The following PDE4D variants were observed in gnomAD, a reference collection of about 807,000 sequenced individuals.
PDE4D encodes the protein phosphodiesterase 4D, also known as 3',5'-cyclic-AMP phosphodiesterase 4D.
A neutral mutation model predicts 87.4 loss-of-function variants in PDE4D; 24 were observed. The observed-to-expected ratio is 0.27, with a 90% CI of 0.20 to 0.39. The LOEUF is 0.39. PDE4D is among the 10% of genes least tolerant of loss of function. The pLI is 1.00. For missense variants in PDE4D, 714 were observed against 1,041.0 expected (o/e 0.69, Z 4.32); for synonymous variants, 384 against 383.2 (o/e 1.00, Z -0.02).
At chr5:59,030,487 C>A (rs1165422732) in intron 6 of PDE4D, among the ~76,000 whole-genome samples, 1 of 147,920 alleles carries the variant, frequency 6.8e-6, no homozygotes, top group African/African-American at 2.5e-5. Flanking sequence ...TGCCTGTAAT[C>A]CCAGTGCTTT....
At chr5:60,293,300 G>A (rs749541226) in intron 1 of PDE4D, among the ~76,000 whole-genome samples, 43 of 152,068 alleles carry the variant, frequency 2.8e-4, no homozygotes, top group Non-Finnish European at 5.9e-4. Flanking sequence ...CGATCACAAG[G>A]TCAGGAGATC....
Position 60,282,101 on chromosome 5 carries a change from A to T in PDE4D, c.-89-96414T>A, listed in dbSNP as rs191360970. On this transcript the variant is annotated intron_variant, in intron 1 of 16. Coordinates refer to the PDE4D transcript ENST00000502484. ...TAAACAACATTACTCAACATATAAA[A>T]CAAGTAAGTCATTATCATTCCTAGT... is the stretch of plus-strand genomic sequence containing the variant. Among the ~76,000 whole-genome samples, 491 of 151,840 alleles carry T rather than the reference A, an allele frequency of 3.2e-3. 4 individuals carry two copies. The highest frequency in any genetic ancestry group is 0.011 in the African/African-American group (462 of 41,466).
At chr5:59,147,954 T>G (rs1778913533) in intron 5 of PDE4D, among the ~76,000 whole-genome samples, 1 of 152,212 alleles carries the variant, frequency 6.6e-6, no homozygotes, top group Non-Finnish European at 1.5e-5. Context: ...TATACCATAT[T>G]AGGCCTGCCA....
chr5:59,893,143 G>T, intron 1 of PDE4D, 25 bp downstream of exon 1: 1 of 1,541,950 alleles, frequency 6.5e-7, no homozygotes. Context: ...TTGCCTGAAT[G>T]GGGGAGGGGG....
At chr5:60,120,058 A>G (rs1303984652) in intron 2 of PDE4D, among the ~76,000 whole-genome samples, 1 of 152,232 alleles carries the variant, frequency 6.6e-6, no homozygotes, top group Admixed American at 6.5e-5. Flanking sequence ...GTCTAAAAGA[A>G]TAATCTACAA....
chr5:59,116,558 C>T (rs952938147), intron 5 of PDE4D, among the ~76,000 whole-genome samples: 1 of 152,156 alleles, frequency 6.6e-6, no homozygotes, highest in Non-Finnish European at 1.5e-5. Context: ...CCCACAACTG[C>T]CCTATTATTG....
At chr5:59,604,116 CAGTTTTTCTGAAGAAAGCGT>C (rs1827875418) in intron 1 of PDE4D, among the ~76,000 whole-genome samples, 1 of 10,628 alleles carries the variant, frequency 9.4e-5, no homozygotes, top group Non-Finnish European at 2.7e-4. Context: ...CTTGTAAAAA[CAGTTTTTCTGAAGAAAGCGT>C]GGTTTTCTGG....
At chr5:59,183,340 T>C (rs1305613824) in intron 4 of PDE4D, among the ~76,000 whole-genome samples, 1 of 152,122 alleles carries the variant, frequency 6.6e-6, no homozygotes, top group Non-Finnish European at 1.5e-5. Flanking sequence ...TGATTTTCTG[T>C]TTTCTTCTAG....
intron 5 of PDE4D, among the ~76,000 whole-genome samples, chr5:59,154,049 G>A (rs550676695): frequency 2.6e-5 from 4 of 152,288 alleles, no homozygotes; most frequent in African/African-American, 9.6e-5. Context: ...GCCAGGGGCT[G>A]GGCTGGAGAG....
chr5:59,884,073 A>C (rs1225252553), intron 1 of PDE4D, among the ~76,000 whole-genome samples: 1 of 152,136 alleles, frequency 6.6e-6, no homozygotes, highest in Non-Finnish European at 1.5e-5. Context: ...AAATTGAGTA[A>C]GAGAAGAGAA....
intron 3 of PDE4D, among the ~76,000 whole-genome samples, chr5:59,955,762 G>A (rs1758761125): frequency 6.6e-6 from 1 of 152,106 alleles, no homozygotes; most frequent in Non-Finnish European, 1.5e-5. Flanking sequence ...CCACATCCTT[G>A]CTTTACAACC....
At chr5:59,585,180 GTGT>G (rs1290888400) in intron 1 of PDE4D, among the ~76,000 whole-genome samples, 5 of 152,282 alleles carry the variant, frequency 3.3e-5, no homozygotes, top group Admixed American at 1.3e-4. Flanking sequence ...GATGGATCTG[GTGT>G]TGTTAGAAAA....
intron 1 of PDE4D, among the ~76,000 whole-genome samples, chr5:59,485,044 G>C (rs887188227): frequency 6.6e-6 from 1 of 152,050 alleles, no homozygotes; most frequent in Non-Finnish European, 1.5e-5. Flanking sequence ...AGTCTCCTAG[G>C]GAAGACTAGG....
chr5:60,447,021 C>T (rs537371366), intron 1 of PDE4D, among the ~76,000 whole-genome samples: 1 of 152,264 alleles, frequency 6.6e-6, no homozygotes, highest in South Asian at 2.1e-4. Flanking sequence ...AAAACCCTAC[C>T]TCAGATGGAC....
At chr5:60,499,970 C>A (rs1749993010) in intron 1 of PDE4D, among the ~76,000 whole-genome samples, 1 of 152,116 alleles carries the variant, frequency 6.6e-6, no homozygotes, top group South Asian at 2.1e-4. Context: ...TTTTGATTAG[C>A]AAATTTGCTT....
At chr5:60,059,037 C>T (rs1469227423) in intron 2 of PDE4D, among the ~76,000 whole-genome samples, 2 of 51,700 alleles carry the variant, frequency 3.9e-5, no homozygotes, top group African/African-American at 7.6e-5. Context: ...TTGGCATTGT[C>T]ATATGTGTGT....
At chr5:60,179,367 G>A (rs567141531) in intron 2 of PDE4D, among the ~76,000 whole-genome samples, 19 of 152,170 alleles carry the variant, frequency 1.2e-4, no homozygotes, top group African/African-American at 4.3e-4. Context: ...CTTATTGATG[G>A]ACTAATTCCA....
chr5:59,809,000 G>A (rs1260800786), intron 1 of PDE4D, among the ~76,000 whole-genome samples: 4 of 152,118 alleles, frequency 2.6e-5, no homozygotes, highest in African/African-American at 4.8e-5. Context: ...CAGGGGGGCC[G>A]GGGGCACTAT....
intron 1 of PDE4D, among the ~76,000 whole-genome samples, chr5:59,402,430 T>G (rs1376436300): frequency 6.6e-6 from 1 of 152,160 alleles, no homozygotes; most frequent in African/African-American, 2.4e-5. Context: ...ATTGGCCAGG[T>G]GTACATGTCT....
Sources: allele counts gnomAD v4.1 joint callset (sites outside exome capture counted in the v4.1 genomes callset), GRCh38; gene constraint gnomAD v4.1.1; transcripts MANE v1.5; gene names NCBI Gene and HGNC (gene_info 2026-07-23, HGNC 2026-07-21).